CNTNAP2: variants seen among roughly 807,000 people sequenced by gnomAD.
CNTNAP2 encodes contactin associated protein 2, also known as contactin-associated protein-like 2.
Under a neutral mutation model 155.2 loss-of-function variants are expected in CNTNAP2, and 98 were observed. That is an observed-to-expected ratio of 0.63 (90% confidence interval 0.54 to 0.75). CNTNAP2 has a LOEUF of 0.75. Among genes scored for constraint, CNTNAP2 ranks in the 30% least tolerant of loss-of-function variants. The pLI, the probability that CNTNAP2 is intolerant of heterozygous loss-of-function variation, is 0.00. For synonymous variants in CNTNAP2, 651 were observed against 631.2 expected (o/e 1.03, Z -0.47); for missense variants, 1,727 against 1,688.1 (o/e 1.02, Z -0.40).
intron 17 of CNTNAP2, among the ~76,000 whole-genome samples, chr7:148,154,393 TTC>T (rs1405167845): frequency 6.6e-6 from 1 of 152,200 alleles, no homozygotes; most frequent in African/African-American, 2.4e-5. Flanking sequence ...GTTATAACCA[TTC>T]TCTGAGTCCA....
chr7:147,887,594 G>C (rs1206937196), intron 13 of CNTNAP2, among the ~76,000 whole-genome samples: 1 of 152,198 alleles, frequency 6.6e-6, no homozygotes, highest in Non-Finnish European at 1.5e-5. Context: ...GGTTATAAAT[G>C]AATGCCAAAG....
intron 2 of CNTNAP2, among the ~76,000 whole-genome samples, chr7:146,833,548 G>A (rs1218885235): frequency 6.6e-6 from 1 of 152,132 alleles, no homozygotes; most frequent in Non-Finnish European, 1.5e-5. Flanking sequence ...TAGTCACCAA[G>A]CCAGTGAATG....
intron 13 of CNTNAP2, among the ~76,000 whole-genome samples, chr7:147,680,922 G>A (rs1449418696): frequency 6.6e-6 from 1 of 151,710 alleles, no homozygotes; most frequent in African/African-American, 2.4e-5. Context: ...ATAGACATAA[G>A]GCTGGAGTGC....
At chr7:148,076,422 CTTTTTTTTTTTTTTTTTTTTTT>C (rs771048326) in intron 15 of CNTNAP2, among the ~76,000 whole-genome samples, 1 of 49,802 alleles carries the variant, frequency 2.0e-5, no homozygotes, top group Admixed American at 3.1e-4. Flanking sequence ...GCTCTGACTT[CTTTTTTTTTTTTTTTTTTTTTT>C]TTTTTTTTTG....
chr7:147,329,218 A>T (rs1040091304), intron 9 of CNTNAP2, among the ~76,000 whole-genome samples: 1 of 152,122 alleles, frequency 6.6e-6, no homozygotes, highest in Non-Finnish European at 1.5e-5. Flanking sequence ...CATGGATAAT[A>T]GAGTGAATCT....
At chr7:146,425,337 C>T (rs1184572136) in intron 1 of CNTNAP2, among the ~76,000 whole-genome samples, 1 of 152,052 alleles carries the variant, frequency 6.6e-6, no homozygotes, top group Non-Finnish European at 1.5e-5. Flanking sequence ...TGAACTGTTG[C>T]CATAAAGCTC....
intron 3 of CNTNAP2, among the ~76,000 whole-genome samples, chr7:146,915,291 G>T (rs191419644): frequency 1.3e-5 from 2 of 151,948 alleles, no homozygotes; most frequent in Admixed American, 6.6e-5. Flanking sequence ...CTTTGGCTGT[G>T]CAGATTCTTT....
In CNTNAP2 at chr7:146,396,723, A is replaced by G. The variant is rs1250505238; in HGVS notation, c.97+279750A>G. The stretch of plus-strand genomic sequence containing the variant: ...TATTTATATACATATATATATGTGT[A>G]TATATATGTATATAAATATCCTGCA... On this transcript the variant is annotated intron_variant, in intron 1 of 23. Coordinates refer to ENST00000361727, the MANE Select transcript of CNTNAP2 (RefSeq NM_014141.6). Among the ~76,000 whole-genome samples, 18 of 145,848 alleles carry G rather than the reference A, an allele frequency of 1.2e-4. No homozygotes were observed. The South Asian group carries it at 2.3e-3, about 19-fold the overall frequency.
intron 3 of CNTNAP2, among the ~76,000 whole-genome samples, chr7:146,856,341 C>T (rs565991843): frequency 7.3e-5 from 11 of 151,290 alleles, no homozygotes; most frequent in Admixed American, 5.9e-4. Context: ...TACATACATA[C>T]ATAGGCAGGC....
chr7:147,971,429 A>G (rs544716334), intron 14 of CNTNAP2, among the ~76,000 whole-genome samples: 1 of 152,132 alleles, frequency 6.6e-6, no homozygotes, highest in Admixed American at 6.6e-5. Flanking sequence ...GGACATCAAC[A>G]TTATCCCTAT....
At chr7:148,341,732 G>A (rs1416834645) in intron 21 of CNTNAP2, among the ~76,000 whole-genome samples, 1 of 152,142 alleles carries the variant, frequency 6.6e-6, no homozygotes. Flanking sequence ...ATAAATTAGC[G>A]TGGCTTTGAT....
At chr7:147,502,366 G>A (rs962220158) in intron 11 of CNTNAP2, among the ~76,000 whole-genome samples, 2 of 152,120 alleles carry the variant, frequency 1.3e-5, no homozygotes, top group African/African-American at 4.8e-5. Flanking sequence ...ACAGCATAAT[G>A]CTAAGTGAAA....
At chr7:147,250,611 G>C (rs182382187) in intron 8 of CNTNAP2, among the ~76,000 whole-genome samples, 1 of 148,340 alleles carries the variant, frequency 6.7e-6, no homozygotes, top group African/African-American at 2.5e-5. Context: ...TCCCTCTTTC[G>C]GGGGAGGGAG....
At chr7:148,101,389 GT>G (rs1563199798) in intron 15 of CNTNAP2, among the ~76,000 whole-genome samples, 2 of 146,484 alleles carry the variant, frequency 1.4e-5, no homozygotes, top group African/African-American at 2.5e-5. Context: ...GTGTGTGTGT[GT>G]GTGGTGTTCT....
chr7:147,853,051 G>C (rs1798977259), intron 13 of CNTNAP2, among the ~76,000 whole-genome samples: 1 of 152,166 alleles, frequency 6.6e-6, no homozygotes, highest in African/African-American at 2.4e-5. Flanking sequence ...TGTCAATAAA[G>C]TGTCTTTTTA....
At chr7:146,906,700 G>A (rs888031080) in intron 3 of CNTNAP2, among the ~76,000 whole-genome samples, 2 of 152,138 alleles carry the variant, frequency 1.3e-5, no homozygotes, top group Non-Finnish European at 2.9e-5. Flanking sequence ...CAAAGATGGG[G>A]AGAAAACAGA....
chr7:148,195,084 G>T (rs1437334972), intron 18 of CNTNAP2, among the ~76,000 whole-genome samples: 4 of 152,124 alleles, frequency 2.6e-5, no homozygotes, highest in Non-Finnish European at 1.5e-5. Context: ...TACAATAATA[G>T]GGTCAAGTGC....
intron 1 of CNTNAP2, among the ~76,000 whole-genome samples, chr7:146,278,105 A>G (rs780088667): frequency 4.6e-5 from 7 of 152,262 alleles, no homozygotes; most frequent in Middle Eastern, 3.4e-3. Context: ...TTTTGGTTCT[A>G]TGATAAGCAA....
intron 1 of CNTNAP2, among the ~76,000 whole-genome samples, chr7:146,456,456 A>T (rs1796556540): frequency 6.6e-6 from 1 of 152,146 alleles, no homozygotes; most frequent in South Asian, 2.1e-4. Context: ...CAAATCTGAA[A>T]GTTTAGATAT....
Sources: gnomAD v4.1 joint callset for allele counts (sites outside exome capture counted in the v4.1 genomes callset) on GRCh38, gnomAD v4.1.1 for gene constraint, MANE v1.5 for transcripts, NCBI Gene and HGNC (gene_info 2026-07-23, HGNC 2026-07-21) for gene names.